DGKB: variants seen among roughly 807,000 people sequenced by gnomAD.
DGKB encodes diacylglycerol kinase beta.
In DGKB, 67 loss-of-function variants were observed where a neutral mutation model predicts 114.3. The observed-to-expected ratio is 0.59, with a 90% CI of 0.48 to 0.72. DGKB has a LOEUF of 0.72. DGKB is among the 30% of genes least tolerant of loss of function. The pLI is 0.00. For synonymous variants in DGKB, 398 were observed against 323.1 expected, an observed-to-expected ratio of 1.23 and a Z score of -2.49; for missense variants, 907 against 975.2, an observed-to-expected ratio of 0.93 and a Z score of 0.93.
Position 14,841,364 on chromosome 7 carries a change from G to A in DGKB, c.-101C>T. On this transcript the variant is annotated 5_prime_UTR_variant, in exon 2 of 26. Coordinates refer to ENST00000402815, the MANE Select transcript of DGKB (RefSeq NM_001350709.2). The stretch of plus-strand genomic sequence containing the variant: ...AAAGATTCCACATGGCATGTTTCAT[G>A]ATAAAATACCTCAGGCTTTCAAAAT... 1.0e-6 allele frequency: 1 copy of A among 960,822 alleles called. No individual in the cohort carries two copies. 59.5% of individuals were successfully genotyped at this position (960,822 alleles called of 1,614,324 possible). A position where few individuals can be genotyped will look rare whatever the true frequency, so the allele number is the denominator to read the frequency against.
chr7:14,260,643 G>A (rs947042449), intron 23 of DGKB, among the ~76,000 whole-genome samples: 12 of 152,072 alleles, frequency 7.9e-5, no homozygotes, highest in South Asian at 2.1e-4. Context: ...ACTTTCTATC[G>A]GTATAATTAG....
chr7:14,853,111 A>G (rs186387576), intron 1 of DGKB, among the ~76,000 whole-genome samples: 14 of 152,312 alleles, frequency 9.2e-5, no homozygotes, highest in African/African-American at 2.9e-4. Context: ...ACCTCAAAAC[A>G]GAGTACAAAA....
intron 6 of DGKB, among the ~76,000 whole-genome samples, chr7:14,717,880 A>G (rs1426272332): frequency 6.6e-6 from 1 of 152,134 alleles, no homozygotes; most frequent in African/African-American, 2.4e-5. Context: ...ATATTTTCTT[A>G]TATTGCAATG....
intron 1 of DGKB, among the ~76,000 whole-genome samples, chr7:14,949,339 C>A (rs74520810): frequency 4.0e-5 from 6 of 151,728 alleles, no homozygotes; most frequent in African/African-American, 1.5e-4. Flanking sequence ...TAAATTGGTA[C>A]GAGTATTTTG....
chr7:14,455,070 C>T (rs763565620), intron 21 of DGKB, among the ~76,000 whole-genome samples: 53 of 152,130 alleles, frequency 3.5e-4, no homozygotes, highest in African/African-American at 9.4e-4. Context: ...CCCAATATCA[C>T]GTTTGAACTT....
intron 12 of DGKB, among the ~76,000 whole-genome samples, chr7:14,677,409 G>C (rs558368916): frequency 1.5e-3 from 226 of 152,096 alleles, no homozygotes; most frequent in African/African-American, 5.2e-3. Flanking sequence ...TTTGCAGTTT[G>C]GGGTACTTCC....
intron 20 of DGKB, among the ~76,000 whole-genome samples, chr7:14,548,309 C>A (rs545139568): frequency 6.6e-6 from 1 of 152,242 alleles, no homozygotes; most frequent in South Asian, 2.1e-4. Flanking sequence ...CCAACAGGTG[C>A]AACTGAGAAA....
intron 2 of DGKB, among the ~76,000 whole-genome samples, chr7:14,772,923 T>C (rs1837627740): frequency 6.6e-6 from 1 of 151,288 alleles, no homozygotes; most frequent in Non-Finnish European, 1.5e-5. Context: ...ACTGACTACA[T>C]CTTCCAGCTT....
intron 20 of DGKB, among the ~76,000 whole-genome samples, chr7:14,571,988 AC>A (rs1314197641): frequency 1.3e-5 from 2 of 152,238 alleles, no homozygotes. Context: ...TCAGTATTCA[AC>A]AAAAAACGAG....
chr7:14,446,529 TA>T (rs1200435695), intron 21 of DGKB, among the ~76,000 whole-genome samples: 1 of 152,102 alleles, frequency 6.6e-6, no homozygotes, highest in East Asian at 1.9e-4. Flanking sequence ...AATGGCAACT[TA>T]AAAAACAATT....
chr7:14,449,528 G>T (rs980834003), intron 21 of DGKB, among the ~76,000 whole-genome samples: 5 of 151,978 alleles, frequency 3.3e-5, no homozygotes, highest in African/African-American at 4.8e-5. Flanking sequence ...AGGCCACCTT[G>T]CTCTTCTCCT....
chr7:14,816,654 C>T (rs1844197722), intron 2 of DGKB: 1 of 152,138 alleles, frequency 6.6e-6, no homozygotes, highest in South Asian at 2.1e-4. Flanking sequence ...AAAAACAATA[C>T]TATCTCGTAC....
At chr7:14,247,487 C>G (rs73069627) in intron 23 of DGKB, among the ~76,000 whole-genome samples, 6,519 of 152,118 alleles carry the variant, frequency 0.043, 193 homozygotes, top group East Asian at 0.12. Flanking sequence ...AAGTGTTCCC[C>G]TTTCTCCATA....
chr7:14,365,980 A>T (rs17168106), intron 21 of DGKB, among the ~76,000 whole-genome samples: 68,046 of 151,838 alleles, frequency 0.45, 16,049 homozygotes, highest in African/African-American at 0.6. Context: ...ATGTGCAGAA[A>T]TATGGCTAAA....
At chr7:14,387,996 C>T (rs1820703294) in intron 21 of DGKB, among the ~76,000 whole-genome samples, 1 of 151,400 alleles carries the variant, frequency 6.6e-6, no homozygotes, top group African/African-American at 2.4e-5. Flanking sequence ...TCTCCTGCCT[C>T]AGCCTCCCAA....
intron 21 of DGKB, among the ~76,000 whole-genome samples, chr7:14,402,371 G>A (rs1823266189): frequency 6.6e-6 from 1 of 151,702 alleles, no homozygotes; most frequent in Non-Finnish European, 1.5e-5. Flanking sequence ...TTTAATTCCA[G>A]GAACATAGTT....
intron 25 of DGKB, 28 bp from the exon 26 acceptor site, chr7:14,149,266 G>T: frequency 6.9e-7 from 1 of 1,446,058 alleles, no homozygotes; most frequent in South Asian, 1.2e-5. Context: ...GAGAGAGAGA[G>T]AAAGAATAGA....
At chr7:14,682,914 A>T in intron 10 of DGKB, 73 bp from the exon 11 acceptor site, 2 of 1,044,002 alleles carry the variant, frequency 1.9e-6, no homozygotes, top group East Asian at 5.2e-5. Context: ...AAAGAATGAC[A>T]TTAACAGAAC....
intron 12 of DGKB, among the ~76,000 whole-genome samples, chr7:14,674,212 T>C (rs1285984464): frequency 6.6e-6 from 1 of 152,022 alleles, no homozygotes; most frequent in Non-Finnish European, 1.5e-5. Flanking sequence ...TATCTTTCCA[T>C]GTTCATCCAT....
Sources: allele counts gnomAD v4.1 joint callset (sites outside exome capture counted in the v4.1 genomes callset), GRCh38; gene constraint gnomAD v4.1.1; transcripts MANE v1.5; gene names NCBI Gene and HGNC (gene_info 2026-07-23, HGNC 2026-07-21).